AVL9: variants seen among roughly 807,000 people sequenced by gnomAD.
The protein encoded by AVL9 is AVL9 cell migration associated.
AVL9 carries 49 observed loss-of-function variants against 79.2 expected under a neutral mutation model. That is an observed-to-expected ratio of 0.62 (90% CI 0.49 to 0.79). The LOEUF is 0.79. Among genes scored for constraint, AVL9 ranks in the 30% least tolerant of loss-of-function variants. The pLI is 0.00. For missense variants in AVL9, 682 were observed against 776.8 expected, an observed-to-expected ratio of 0.88 and a Z score of 1.45; for synonymous variants, 299 against 280.6, an observed-to-expected ratio of 1.07 and a Z score of -0.65.
intron 1 of AVL9, among the ~76,000 whole-genome samples, chr7:32,501,508 T>C (rs1235815217): frequency 6.6e-6 from 1 of 152,218 alleles, no homozygotes; most frequent in Non-Finnish European, 1.5e-5. Context: ...TTTTTCCTGA[T>C]TTTGGCCATG....
At chr7:32,531,211 C>T (rs1468663728) in intron 1 of AVL9, among the ~76,000 whole-genome samples, 1 of 152,116 alleles carries the variant, frequency 6.6e-6, no homozygotes, top group Non-Finnish European at 1.5e-5. Flanking sequence ...TACTTGGCCT[C>T]AGTCTAGAGC....
intron 13 of AVL9, among the ~76,000 whole-genome samples, chr7:32,576,798 A>G (rs1791124115): frequency 6.6e-6 from 1 of 152,138 alleles, no homozygotes; most frequent in African/African-American, 2.4e-5. Context: ...AAAGAAAAAA[A>G]AAAGTTAATA....
At chr7:32,510,080 A>G (rs1240570331) in intron 1 of AVL9, among the ~76,000 whole-genome samples, 1 of 152,200 alleles carries the variant, frequency 6.6e-6, no homozygotes, top group African/African-American at 2.4e-5. Context: ...GAACTGCCCC[A>G]GGAGGAGGGA....
rs1422757632 is a variant in AVL9, at chr7:32,585,458, C to T, written c.*1551C>T. On this transcript the variant is annotated 3_prime_UTR_variant, in exon 16 of 16. Transcript: ENST00000318709. ...GCTCTCATTTGCTTTTCAAGGATAC[C>T]TGGGATGGCTGTTCTCAGAGAGTAC... 1 of 152,154 alleles carries T rather than the reference C, an allele frequency of 6.6e-6. No individual in the cohort carries two copies. Among genetic ancestry groups the T allele is most frequent in the Non-Finnish European group, 1.5e-5 (1 of 68,046 alleles). The allele number at this position is 152,154 out of a possible 1,614,324, so 9.4% of individuals were successfully genotyped here. A position where few individuals can be genotyped will look rare whatever the true frequency, so the allele number is the denominator to read the frequency against.
intron 1 of AVL9, among the ~76,000 whole-genome samples, chr7:32,517,519 T>C (rs1160967002): frequency 6.6e-6 from 1 of 152,088 alleles, no homozygotes; most frequent in Non-Finnish European, 1.5e-5. Context: ...TTGGCCAGGC[T>C]GGTCTTGAAC....
intron 1 of AVL9, among the ~76,000 whole-genome samples, chr7:32,502,997 A>G (rs967904539): frequency 1.3e-5 from 2 of 152,254 alleles, no homozygotes; most frequent in African/African-American, 4.8e-5. Context: ...TGTGTGAAAT[A>G]AAATGACTCA....
intron 1 of AVL9, among the ~76,000 whole-genome samples, chr7:32,520,855 G>C (rs1057487262): frequency 6.6e-6 from 1 of 152,084 alleles, no homozygotes; most frequent in Non-Finnish European, 1.5e-5. Flanking sequence ...AACTTGAATT[G>C]TATCTCCCCG....
At chr7:32,546,688 C>G (rs1203922891) in intron 3 of AVL9, among the ~76,000 whole-genome samples, 1 of 151,782 alleles carries the variant, frequency 6.6e-6, no homozygotes, top group Non-Finnish European at 1.5e-5. Flanking sequence ...CCAGGTGTGG[C>G]AGCGCACGCC....
At position 32,583,941 on chromosome 7, in the gene AVL9, G is replaced by A. The variant is rs756984063; in HGVS notation, c.*34G>A. ...TCAGAGGCTGCTATTGCTTTCTGAG[G>A]TTTAAGTGTCCCCTGTCTGTCTGCT... On this transcript the variant is annotated 3_prime_UTR_variant, in exon 16 of 16. Coordinates refer to ENST00000318709, the MANE Select transcript of AVL9 (RefSeq NM_015060.3). 2 of 1,483,524 alleles carry A rather than the reference G, an allele frequency of 1.3e-6. No individual in the cohort carries two copies. Among genetic ancestry groups the A allele is most frequent in the Middle Eastern group, 3.4e-4 (2 of 5,800 alleles). The allele number at this position is 1,483,524 out of a possible 1,614,324, so 91.9% of individuals were successfully genotyped here.
rs765073062 is a variant in AVL9, at chr7:32,583,926, C to G, written c.*19C>G. On this transcript the variant is annotated 3_prime_UTR_variant, in exon 16 of 16. Coordinates refer to ENST00000318709, the MANE Select transcript of AVL9 (RefSeq NM_015060.3). ...GCCTTGAGCAAGGCGTCAGAGGCTG[C>G]TATTGCTTTCTGAGGTTTAAGTGTC... is the stretch of plus-strand genomic sequence containing the variant. The G allele has an allele frequency of 6.4e-7, 1 of 1,569,996 alleles. No homozygotes were observed. Among genetic ancestry groups the G allele is most frequent in the Non-Finnish European group, 8.8e-7 (1 of 1,140,230 alleles).
intron 10 of AVL9, among the ~76,000 whole-genome samples, chr7:32,565,623 A>G (rs556588710): frequency 6.6e-6 from 1 of 152,308 alleles, no homozygotes; most frequent in Admixed American, 6.5e-5. Flanking sequence ...AAAACTTTAA[A>G]ACAGCCAAGG....
At chr7:32,578,320 A>G (rs1053458316) in intron 13 of AVL9, among the ~76,000 whole-genome samples, 14 of 152,174 alleles carry the variant, frequency 9.2e-5, no homozygotes, top group African/African-American at 2.7e-4. Context: ...AGGGCCTCAG[A>G]GCAAACCAGG....
intron 4 of AVL9, among the ~76,000 whole-genome samples, chr7:32,550,611 T>C (rs1789768942): frequency 6.6e-6 from 1 of 152,132 alleles, no homozygotes; most frequent in Non-Finnish European, 1.5e-5. Flanking sequence ...GGTCATTACA[T>C]CCTGAAATGG....
At chr7:32,555,846 T>G (rs575013291) in intron 8 of AVL9, among the ~76,000 whole-genome samples, 1 of 152,204 alleles carries the variant, frequency 6.6e-6, no homozygotes, top group Non-Finnish European at 1.5e-5. Flanking sequence ...TTAAAAATAT[T>G]CCTTTGACCC....
chr7:32,523,412 C>CT (rs1429583654), intron 1 of AVL9, among the ~76,000 whole-genome samples: 2 of 150,514 alleles, frequency 1.3e-5, no homozygotes, highest in African/African-American at 4.9e-5. Flanking sequence ...GGAACCTAAA[C>CT]TTTTTTTAAC....
At chr7:32,562,653 C>T (rs1562790647) in intron 10 of AVL9, 3 of 983,144 alleles carry the variant, frequency 3.1e-6, no homozygotes, top group Admixed American at 6.2e-5. Flanking sequence ...GACATAGCAT[C>T]TCACACCTGT....
At chr7:32,530,755 C>T (rs1788611151) in intron 1 of AVL9, among the ~76,000 whole-genome samples, 1 of 152,140 alleles carries the variant, frequency 6.6e-6, no homozygotes. Flanking sequence ...CGAGACCAGC[C>T]TGACTAACAT....
intron 6 of AVL9, 105 bp downstream of exon 6, chr7:32,552,400 T>A (rs940998420): frequency 3.2e-6 from 2 of 632,788 alleles, no homozygotes; most frequent in Non-Finnish European, 5.7e-6. Context: ...CTATATGGGA[T>A]CTAAATTCTT....
intron 1 of AVL9, among the ~76,000 whole-genome samples, chr7:32,513,652 G>A (rs560113944): frequency 7.7e-4 from 118 of 152,336 alleles, no homozygotes; most frequent in African/African-American, 2.5e-3. Flanking sequence ...TTCTCGCAAG[G>A]TGGAGACGAG....
Sources: gnomAD v4.1 joint callset for allele counts (sites outside exome capture counted in the v4.1 genomes callset) on GRCh38, gnomAD v4.1.1 for gene constraint, MANE v1.5 for transcripts, NCBI Gene and HGNC (gene_info 2026-07-23, HGNC 2026-07-21) for gene names.